Variants in CSMD3 observed in about 807,000 individuals in gnomAD.
CSMD3 encodes the protein CUB and sushi domain-containing protein 3.
CSMD3 carries 177 observed loss-of-function variants against 435.2 expected under a neutral mutation model. The ratio of observed to expected loss-of-function variants is 0.41; its 90% CI spans 0.36 to 0.46. CSMD3 has a LOEUF of 0.46. Ranked by LOEUF, CSMD3 falls within the 20% of genes least tolerant of loss-of-function variation. The pLI is 0.34. For synonymous variants in CSMD3, 1,656 were observed against 1,520.5 expected, an observed-to-expected ratio of 1.09 and a Z score of -2.07; for missense variants, 4,265 against 4,504.6, an observed-to-expected ratio of 0.95 and a Z score of 1.52.
chr8:112,740,059 T>C (rs1015236680), intron 13 of CSMD3, among the ~76,000 whole-genome samples: 13 of 151,800 alleles, frequency 8.6e-5, no homozygotes, highest in African/African-American at 2.7e-4. Flanking sequence ...GGAATTTTTA[T>C]TGGTAACAGA....
intron 11 of CSMD3, 147 bp from the exon 12 acceptor site, chr8:112,829,936 A>G: frequency 1.7e-6 from 1 of 596,300 alleles, no homozygotes; most frequent in Non-Finnish European, 3.0e-6. Flanking sequence ...CAAGCAGTTC[A>G]ATTATGTATA....
rs181228041 is a variant in CSMD3 at position 113,194,742 on chromosome 8, C to A, written c.515-20826G>T. On this transcript the variant is annotated intron_variant, in intron 3 of 70. Coordinates refer to ENST00000297405, the MANE Select transcript of CSMD3 (RefSeq NM_198123.2). The stretch of plus-strand genomic sequence containing the variant: ...AAGTTTTTTAAATTTTTCGAAAAAA[C>A]CCCTCAAACATAATAGTTAATATTG... Among the ~76,000 whole-genome samples, 412 of 151,176 alleles carry A rather than the reference C, an allele frequency of 2.7e-3. 1 individual carries two copies. The highest frequency in any genetic ancestry group is 6.8e-3 in the Middle Eastern group (2 of 294).
chr8:112,678,048 A>C (rs1328389560), intron 16 of CSMD3, among the ~76,000 whole-genome samples: 1 of 152,146 alleles, frequency 6.6e-6, no homozygotes, highest in Non-Finnish European at 1.5e-5. Context: ...TTTATCTATA[A>C]TTATGTCTGT....
intron 2 of CSMD3, among the ~76,000 whole-genome samples, chr8:113,292,111 G>T (rs1383034044): frequency 6.6e-6 from 1 of 151,564 alleles, no homozygotes; most frequent in African/African-American, 2.4e-5. Context: ...AGTTTACTTT[G>T]TAATTATTAT....
chr8:112,594,728 C>A (rs1409432509), intron 22 of CSMD3, among the ~76,000 whole-genome samples: 3 of 152,192 alleles, frequency 2.0e-5, no homozygotes, highest in South Asian at 2.1e-4. Context: ...AGCAGCCTAA[C>A]TGGGAGGCAC....
intron 10 of CSMD3, among the ~76,000 whole-genome samples, chr8:112,897,668 C>T (rs1380462880): frequency 2.0e-5 from 2 of 100,104 alleles, no homozygotes; most frequent in African/African-American, 9.5e-5. Context: ...TACTATTTCT[C>T]TCTCTCTCTC....
chr8:112,919,847 T>C (rs1238889685), intron 10 of CSMD3, among the ~76,000 whole-genome samples: 1 of 151,872 alleles, frequency 6.6e-6, no homozygotes, highest in African/African-American at 2.4e-5. Flanking sequence ...AAATATGAGA[T>C]ACTGTATGCT....
intron 13 of CSMD3, among the ~76,000 whole-genome samples, chr8:112,795,403 G>T (rs2078804218): frequency 6.6e-6 from 1 of 152,114 alleles, no homozygotes; most frequent in Non-Finnish European, 1.5e-5. Context: ...TGTTTGACTA[G>T]AAGTTAGATG....
intron 32 of CSMD3, among the ~76,000 whole-genome samples, chr8:112,446,988 A>C (rs1243309881): frequency 1.3e-5 from 2 of 152,148 alleles, no homozygotes; most frequent in East Asian, 3.9e-4. Context: ...TGTTGTTCAT[A>C]GTTATTGTAA....
chr8:112,646,458 GTAT>G (rs2074983315), intron 19 of CSMD3, among the ~76,000 whole-genome samples: 1 of 152,076 alleles, frequency 6.6e-6, no homozygotes, highest in South Asian at 2.1e-4. Flanking sequence ...CTGTATATCA[GTAT>G]TCTTTCAAAT....
In CSMD3 at chr8:112,232,456, A is replaced by C. The variant is rs998278772; in HGVS notation, c.10741-824T>G. ...AACCCCCGTCTCTACTAAAATTACA[A>C]AAATTAGCCAGGGGTGGTGGCATGT... On this transcript the variant is annotated intron_variant, in intron 68 of 70. Coordinates refer to ENST00000297405, the MANE Select transcript of CSMD3 (RefSeq NM_198123.2). Among the ~76,000 whole-genome samples, 4 of 152,128 alleles carry C rather than the reference A, an allele frequency of 2.6e-5. No individual in the cohort carries two copies. In the East Asian group the frequency reaches 7.7e-4, roughly 29 times the overall value.
intron 31 of CSMD3, among the ~76,000 whole-genome samples, chr8:112,481,505 T>C (rs1164632479): frequency 6.6e-6 from 1 of 152,138 alleles, no homozygotes. Context: ...TTCTTGCAGG[T>C]CACAAAAGAG....
At chr8:113,434,120 CT>C (rs2094691306) in intron 1 of CSMD3, among the ~76,000 whole-genome samples, 1 of 152,208 alleles carries the variant, frequency 6.6e-6, no homozygotes, top group African/African-American at 2.4e-5. Context: ...CACTAAGCCT[CT>C]TTGTCATTGC....
chr8:112,577,955 A>G (rs1375865664), intron 23 of CSMD3, among the ~76,000 whole-genome samples: 1 of 152,118 alleles, frequency 6.6e-6, no homozygotes, highest in Non-Finnish European at 1.5e-5. Flanking sequence ...GACAGAAATT[A>G]CACATGAACA....
In CSMD3 at chr8:112,633,703, A is replaced by G. The variant is rs541690977; in HGVS notation, c.3715+3114T>C. On this transcript the variant is annotated intron_variant, in intron 22 of 70. Transcript: ENST00000297405. The stretch of plus-strand genomic sequence containing the variant: ...TTCTACCAAAAGAAATGAAGATACC[A>G]ATCAACCTGTACACTAAATATTGAA... Among the ~76,000 whole-genome samples, 5 of 152,196 alleles carry G rather than the reference A, an allele frequency of 3.3e-5. No homozygotes were observed. The South Asian group carries it at 8.3e-4, about 25-fold the overall frequency.
intron 1 of CSMD3, among the ~76,000 whole-genome samples, chr8:113,431,904 G>C (rs1214357048): frequency 6.6e-6 from 1 of 152,100 alleles, no homozygotes; most frequent in Non-Finnish European, 1.5e-5. Context: ...GAAAAGACGC[G>C]TATACTCCAA....
rs1823743561 is a variant in CSMD3 at position 112,328,669 on chromosome 8, G to A, written c.7165+6660C>T. On this transcript the variant is annotated intron_variant, in intron 45 of 70. Coordinates refer to ENST00000297405, the MANE Select transcript of CSMD3 (RefSeq NM_198123.2). ...CATAAGCCCCATGTGTTGAGAGAGG[G>A]ATCTAGTGAGAGGGGATTGGATCAT... Among the ~76,000 whole-genome samples, 5 of 152,212 alleles carry A rather than the reference G, an allele frequency of 3.3e-5. No individual in the cohort carries two copies. The South Asian group carries it at 1.0e-3, about 32-fold the overall frequency.
In CSMD3 at chr8:113,329,730, A is replaced by C. The variant is rs571987505; in HGVS notation, c.179-14937T>G. 1.8e-3 allele frequency among the ~76,000 whole-genome samples: 270 copies of C among 152,336 alleles called. 1 individual carries two copies. Among genetic ancestry groups the C allele is most frequent in the Non-Finnish European group, 3.3e-3 (225 of 68,016 alleles). ...AGTGAGAATCTTGAAAGCAGCAAAG[A>C]GAAAAAATAAATCAAGCATATAAAA... On this transcript the variant is annotated intron_variant, in intron 1 of 70. Transcript: ENST00000297405.
In CSMD3 at chr8:112,335,337, C is replaced by G. The variant is rs2130946756; in HGVS notation, c.7157G>C (p.Ser2386Thr). The change falls in exon 45 of 71, where the codon AGT (serine) becomes ACT (threonine). Residue 2386 changes from serine to threonine, a missense_variant. Ser to Thr is a moderately conservative substitution (Grantham distance 58, BLOSUM62 1). This residue lies in a region of CSMD3 where 3,255 missense variants were observed against 3,380.2 expected (regional missense o/e 0.96). Transcript: ENST00000297405. ...TCTCAGATAATACCAACCGTGATAACTGAGCACAAAAAAGCCACTTGTTGT... is the reference window on the plus strand; with the variant it reads ...TCTCAGATAATACCAACCGTGATAAGTGAGCACAAAAAAGCCACTTGTTGT... ...DFTTSGFFVL[S>T]YHAYQLRVCQ... 6.2e-7 allele frequency: 1 copy of G among 1,613,814 alleles called. No homozygotes were observed. Among genetic ancestry groups the G allele is most frequent in the Non-Finnish European group, 8.5e-7 (1 of 1,179,870 alleles).
Sources: gnomAD v4.1 joint callset for allele counts (sites outside exome capture counted in the v4.1 genomes callset) on GRCh38, gnomAD v4.1.1 for gene constraint, gnomAD v4.1.1 regional missense constraint, MANE v1.5 for transcripts, NCBI Gene and HGNC (gene_info 2026-07-23, HGNC 2026-07-21) for gene names.